MAN1C1: variants seen among roughly 807,000 people sequenced by gnomAD.
MAN1C1 encodes mannosyl-oligosaccharide 1,2-alpha-mannosidase IC.
A neutral mutation model predicts 71.5 loss-of-function variants in MAN1C1; 49 were observed. The ratio of observed to expected loss-of-function variants is 0.69; its 90% CI spans 0.54 to 0.87. The LOEUF (loss-of-function observed/expected upper bound fraction) is 0.87. MAN1C1 is among the 40% of genes least tolerant of loss of function. The probability of loss-of-function intolerance (pLI) is 0.00; values close to 1 mark genes in which losing one functional copy is unlikely to be tolerated. For synonymous variants in MAN1C1, 352 were observed against 343.7 expected (o/e 1.02, Z -0.27); for missense variants, 743 against 835.0 (o/e 0.89, Z 1.36).
At chr1:25,685,438 C>T (rs747935415) in intron 1 of MAN1C1, among the ~76,000 whole-genome samples, 19 of 152,198 alleles carry the variant, frequency 1.2e-4, no homozygotes, top group African/African-American at 3.6e-4. Context: ...TGTTGTGCTC[C>T]CTCTGCAGCC....
In MAN1C1 at chr1:25,778,307, A is replaced by C. The variant is rs759283256; in HGVS notation, c.1460A>C (p.Glu487Ala). The C allele has an allele frequency of 6.8e-6, 11 of 1,612,534 alleles. No individual in the cohort carries two copies. The South Asian group carries it at 1.2e-4, about 18-fold the overall frequency. Residue 487 changes from glutamate (E) to alanine (A), a missense_variant, in exon 9 of 12, where the codon GAG (glutamate) becomes GCG (alanine). Physicochemically the swap from Glu to Ala is moderately radical, Grantham distance 107. Transcript: ENST00000374332. This position sits in a 1 kb window ranked among gnomAD's most constrained non-coding sequence, Gnocchi z 5.5. Reference sequence around the variant, plus strand: ...GCCCAGATCACCAAGACGTGTCACGAGTCATACGCCCGCTCAGGTAACCCT... The same window carrying C: ...GCCCAGATCACCAAGACGTGTCACGCGTCATACGCCCGCTCAGGTAACCCT... The part of the protein sequence containing the change: ...LAAQITKTCH[E>A]SYARSDTKLG...
At chr1:25,677,278 A>G (rs1240853183) in intron 1 of MAN1C1, among the ~76,000 whole-genome samples, 3 of 152,016 alleles carry the variant, frequency 2.0e-5, no homozygotes, top group Non-Finnish European at 4.4e-5. Context: ...TTTGTTTTCC[A>G]CCTTTGCAAG....
At chr1:25,743,701 G>A (rs2047091157) in intron 2 of MAN1C1, among the ~76,000 whole-genome samples, 1 of 152,228 alleles carries the variant, frequency 6.6e-6, no homozygotes, top group East Asian at 1.9e-4. Context: ...ACGGGGCAGA[G>A]CTGGTCACGA....
intron 1 of MAN1C1, among the ~76,000 whole-genome samples, chr1:25,626,142 A>G (rs2124749835): frequency 6.6e-6 from 1 of 152,294 alleles, no homozygotes; most frequent in East Asian, 1.9e-4. Context: ...CAGATGTGTG[A>G]TTGACTTTAT....
intron 1 of MAN1C1, among the ~76,000 whole-genome samples, chr1:25,685,042 A>G (rs935678387): frequency 7.2e-5 from 11 of 152,210 alleles, no homozygotes; most frequent in African/African-American, 2.4e-4. Context: ...AAGAGACTGG[A>G]TGAAAGGAGG....
At chr1:25,728,682 G>T (rs1421047321) in intron 2 of MAN1C1, among the ~76,000 whole-genome samples, 1 of 152,096 alleles carries the variant, frequency 6.6e-6, no homozygotes, top group Non-Finnish European at 1.5e-5. Flanking sequence ...GTTTTTATGG[G>T]CCAGGCCTCA....
chr1:25,691,039 G>A (rs1212674677), intron 2 of MAN1C1, among the ~76,000 whole-genome samples: 3 of 152,156 alleles, frequency 2.0e-5, no homozygotes, highest in Non-Finnish European at 2.9e-5. Flanking sequence ...GGACTCAGCC[G>A]GGTGCAGTGG....
At chr1:25,767,121 G>T (rs1476811421) in intron 7 of MAN1C1, among the ~76,000 whole-genome samples, 1 of 151,622 alleles carries the variant, frequency 6.6e-6, no homozygotes, top group Non-Finnish European at 1.5e-5. Flanking sequence ...CTCCCAGCCC[G>T]CCTCGCAGTG....
At chr1:25,675,085 A>G (rs1462576961) in intron 1 of MAN1C1, among the ~76,000 whole-genome samples, 1 of 152,026 alleles carries the variant, frequency 6.6e-6, no homozygotes, top group Admixed American at 6.5e-5. Context: ...TGATTGATTG[A>G]TTCATTTTAT....
Position 25,616,803 on chromosome 1 carries a change from A to AGCG in MAN1C1, c.-981_-979dup, listed in dbSNP as rs1251717791. Among the ~76,000 whole-genome samples, 24 of 145,758 alleles carry AGCG rather than the reference A, an allele frequency of 1.6e-4. No individual in the cohort carries two copies. The highest frequency in any genetic ancestry group is 2.0e-4 in the East Asian group (1 of 4,998). ...CGGGCGCTGTCGCAGTGAAAGCCCG[A>AGCG]GCGGCGGCGGCGGCGGGGACGGCGG... On this transcript the variant is annotated 5_prime_UTR_variant, in exon 1 of 12. Coordinates refer to ENST00000374332, the MANE Select transcript of MAN1C1 (RefSeq NM_020379.4). This position sits in a 1 kb window ranked among gnomAD's most constrained non-coding sequence, Gnocchi z 5.6.
At chr1:25,628,017 A>T (rs550858659) in intron 1 of MAN1C1, among the ~76,000 whole-genome samples, 63 of 152,320 alleles carry the variant, frequency 4.1e-4, no homozygotes, top group Non-Finnish European at 5.1e-4. Context: ...ACTGTACTCC[A>T]GCCTGGGTGA....
chr1:25,733,466 C>T (rs1173627146), intron 2 of MAN1C1, among the ~76,000 whole-genome samples: 4 of 152,178 alleles, frequency 2.6e-5, no homozygotes, highest in Non-Finnish European at 5.9e-5. Context: ...GCCCGCCGTG[C>T]CCTTGGCCCC....
intron 1 of MAN1C1, among the ~76,000 whole-genome samples, chr1:25,621,630 TG>T (rs992575460): frequency 6.6e-6 from 1 of 151,514 alleles, no homozygotes; most frequent in South Asian, 2.1e-4. Flanking sequence ...TGTTTGTGTT[TG>T]TTTTTTTTTT....
At chr1:25,741,398 A>T (rs559072516) in intron 2 of MAN1C1, among the ~76,000 whole-genome samples, 4 of 152,202 alleles carry the variant, frequency 2.6e-5, no homozygotes, top group Non-Finnish European at 5.9e-5. Context: ...GAACCAGCAC[A>T]GGAGACTGGG....
chr1:25,736,787 A>G (rs1380937625), intron 2 of MAN1C1, among the ~76,000 whole-genome samples: 1 of 152,124 alleles, frequency 6.6e-6, no homozygotes, highest in Non-Finnish European at 1.5e-5. Flanking sequence ...TAAGCCTCCC[A>G]AAGTGTTGTA....
At chr1:25,623,089 C>T (rs2045239066) in intron 1 of MAN1C1, among the ~76,000 whole-genome samples, 1 of 152,190 alleles carries the variant, frequency 6.6e-6, no homozygotes, top group African/African-American at 2.4e-5. Flanking sequence ...TCTTCCGTTT[C>T]CCTCTTGTCC....
chr1:25,652,020 C>T (rs993269953), intron 1 of MAN1C1, among the ~76,000 whole-genome samples: 1 of 152,218 alleles, frequency 6.6e-6, no homozygotes, highest in Non-Finnish European at 1.5e-5. Flanking sequence ...AACCCAAACT[C>T]TCCTGCTGCC....
chr1:25,757,755 G>A (rs531991084), intron 5 of MAN1C1, among the ~76,000 whole-genome samples: 2 of 152,344 alleles, frequency 1.3e-5, no homozygotes, highest in East Asian at 1.9e-4. Context: ...CTCCCGGAAA[G>A]GCAGTGTCCT....
chr1:25,768,233 T>A (rs1572207599), intron 7 of MAN1C1, among the ~76,000 whole-genome samples: 1 of 36,826 alleles, frequency 2.7e-5, no homozygotes, highest in South Asian at 1.0e-3. Flanking sequence ...TTACACACAC[T>A]CCCCTCACAC....
Sources: gnomAD v4.1 joint callset for allele counts (sites outside exome capture counted in the v4.1 genomes callset) on GRCh38, gnomAD v4.1.1 for gene constraint, Gnocchi (gnomAD v3.1) non-coding constraint, MANE v1.5 for transcripts, NCBI Gene and HGNC (gene_info 2026-07-23, HGNC 2026-07-21) for gene names.